MYT1L: variants seen among roughly 807,000 people sequenced by gnomAD.
MYT1L encodes the protein myelin transcription factor 1 like, also known as myelin transcription factor 1-like protein.
Under a neutral mutation model 126.7 loss-of-function variants are expected in MYT1L, and 12 were observed. That is an observed-to-expected ratio of 0.09 (90% CI 0.06 to 0.15). The LOEUF (loss-of-function observed/expected upper bound fraction) is 0.15, where lower values mean the gene tolerates loss of function less well. Ranked by LOEUF, MYT1L falls within the 10% of genes least tolerant of loss-of-function variation. The pLI is 1.00. For synonymous variants in MYT1L, 541 were observed against 604.2 expected (o/e 0.90, Z 1.53); for missense variants, 979 against 1,585.2 (o/e 0.62, Z 6.49).
At chr2:2,145,939 C>T (rs1174783254) in intron 3 of MYT1L, among the ~76,000 whole-genome samples, 1 of 152,160 alleles carries the variant, frequency 6.6e-6, no homozygotes, top group Non-Finnish European at 1.5e-5. Context: ...ATCCTTTCTG[C>T]TTAGAATGTG....
intron 2 of MYT1L, among the ~76,000 whole-genome samples, chr2:2,213,439 C>G (rs1312202577): frequency 6.6e-6 from 1 of 152,048 alleles, no homozygotes; most frequent in Non-Finnish European, 1.5e-5. Flanking sequence ...CAACAGTATC[C>G]AACATAATAT....
intron 4 of MYT1L, among the ~76,000 whole-genome samples, chr2:2,008,059 G>C (rs115894339): frequency 0.015 from 2,316 of 152,164 alleles, 53 homozygotes; most frequent in African/African-American, 0.049. Context: ...CAGGTTTTTT[G>C]CATGTCTGAC....
chr2:2,033,349 C>T (rs1233335488), intron 4 of MYT1L, among the ~76,000 whole-genome samples: 1 of 147,746 alleles, frequency 6.8e-6, no homozygotes, highest in Admixed American at 6.7e-5. Flanking sequence ...ATCCTGTGGC[C>T]CAGAGCAGAT....
chr2:2,294,775 C>A (rs2095647281), intron 1 of MYT1L, among the ~76,000 whole-genome samples: 1 of 152,142 alleles, frequency 6.6e-6, no homozygotes, highest in Non-Finnish European at 1.5e-5. Context: ...TAGAAGAAAT[C>A]AATTATTAAG....
At chr2:2,111,387 A>G (rs1463089211) in intron 3 of MYT1L, among the ~76,000 whole-genome samples, 3 of 152,210 alleles carry the variant, frequency 2.0e-5, no homozygotes, top group Admixed American at 6.5e-5. Context: ...CTGCTCCTCC[A>G]GAGATGGACG....
intron 2 of MYT1L, among the ~76,000 whole-genome samples, chr2:2,174,511 AT>A (rs2090476989): frequency 6.6e-6 from 1 of 152,194 alleles, no homozygotes; most frequent in Admixed American, 6.5e-5. Context: ...AATGCTCACA[AT>A]TCAGACCCAC....
chr2:2,225,478 T>A (rs1372016622), intron 2 of MYT1L, among the ~76,000 whole-genome samples: 2 of 152,202 alleles, frequency 1.3e-5, no homozygotes, highest in Non-Finnish European at 2.9e-5. Context: ...GTGACCCCAG[T>A]CTGGGACATG....
intron 3 of MYT1L, among the ~76,000 whole-genome samples, chr2:2,165,319 C>G (rs2088868963): frequency 1.3e-5 from 2 of 149,192 alleles, no homozygotes; most frequent in South Asian, 2.1e-4. Flanking sequence ...TGCACACATA[C>G]ACACATACAC....
chr2:2,286,363 T>C (rs2095521062), intron 1 of MYT1L, among the ~76,000 whole-genome samples: 1 of 152,184 alleles, frequency 6.6e-6, no homozygotes, highest in Non-Finnish European at 1.5e-5. Context: ...CTTTTGCAGA[T>C]AGAATTGATG....
intron 2 of MYT1L, among the ~76,000 whole-genome samples, chr2:2,246,240 T>C (rs899943677): frequency 6.6e-6 from 1 of 152,194 alleles, no homozygotes; most frequent in Non-Finnish European, 1.5e-5. Context: ...TGAAATACAC[T>C]AGCAGCCCCC....
intron 3 of MYT1L, among the ~76,000 whole-genome samples, chr2:2,172,099 C>T (rs1183811333): frequency 6.6e-6 from 1 of 152,154 alleles, no homozygotes; most frequent in African/African-American, 2.4e-5. Flanking sequence ...TCGTTCAGAA[C>T]CAACGACTTT....
At chr2:2,027,414 G>C (rs1214852897) in intron 4 of MYT1L, among the ~76,000 whole-genome samples, 1 of 152,230 alleles carries the variant, frequency 6.6e-6, no homozygotes, top group African/African-American at 2.4e-5. Flanking sequence ...CTGAAAGGGA[G>C]ATTCGGTTGG....
rs538212208 is a variant in MYT1L at position 2,142,980 on chromosome 2, C to T, written c.-304+29892G>A. 2.0e-5 allele frequency among the ~76,000 whole-genome samples: 3 copies of T among 151,070 alleles called. No homozygotes were observed. The East Asian group carries it at 6.2e-4, about 31-fold the overall frequency. ...AGGCTTACAGGTGTGAGCCACCATG[C>T]CCGGCCATAACTTTTTTAAAAAGTT... On this transcript the variant is annotated intron_variant, in intron 3 of 24. Coordinates refer to ENST00000647738, the MANE Select transcript of MYT1L (RefSeq NM_001303052.2).
intron 3 of MYT1L, among the ~76,000 whole-genome samples, chr2:2,077,465 T>C (rs973730750): frequency 2.6e-5 from 4 of 152,164 alleles, no homozygotes; most frequent in Admixed American, 6.5e-5. Flanking sequence ...AGGCAGAGAA[T>C]AGATTTGAAA....
At chr2:2,107,332 T>G (rs1031171064) in intron 3 of MYT1L, among the ~76,000 whole-genome samples, 4 of 152,240 alleles carry the variant, frequency 2.6e-5, no homozygotes, top group African/African-American at 9.6e-5. Context: ...CCTTTGTGAA[T>G]AAGTTTTATT....
At chr2:2,026,461 C>T (rs1170343349) in intron 4 of MYT1L, among the ~76,000 whole-genome samples, 1 of 152,180 alleles carries the variant, frequency 6.6e-6, no homozygotes, top group African/African-American at 2.4e-5. Context: ...GAGGGAGGCC[C>T]AACTGTTCCG....
intron 3 of MYT1L, among the ~76,000 whole-genome samples, chr2:2,065,743 C>T (rs1238872666): frequency 1.3e-5 from 2 of 152,014 alleles, no homozygotes; most frequent in Non-Finnish European, 2.9e-5. Context: ...GAGCAGATGA[C>T]ACTTTTTAAT....
chr2:1,917,361 A>G lies in MYT1L; in HGVS notation c.1484-22T>C, dbSNP rs1306784279. Reference sequence around the variant, plus strand: ...GGATCTAAAAGCGACAACAGGTGCCAAGAGAATAAATGTTTACCAATCAAA... The same window carrying G: ...GGATCTAAAAGCGACAACAGGTGCCGAGAGAATAAATGTTTACCAATCAAA... On this transcript the variant is annotated intron_variant, in intron 10 of 24. Transcript: ENST00000647738. The surrounding 1 kb of genome is among the most constrained non-coding windows in gnomAD (Gnocchi z 5.9). 5.0e-6 allele frequency: 8 copies of G among 1,588,696 alleles called. No homozygotes were observed. The Admixed American group carries it at 1.2e-4, about 24-fold the overall frequency.
chr2:2,082,574 A>G (rs1023891228), intron 3 of MYT1L, among the ~76,000 whole-genome samples: 1 of 152,186 alleles, frequency 6.6e-6, no homozygotes, highest in African/African-American at 2.4e-5. Flanking sequence ...TGTAACATTT[A>G]TAATAATAGA....
Sources: allele counts gnomAD v4.1 joint callset (sites outside exome capture counted in the v4.1 genomes callset), GRCh38; gene constraint gnomAD v4.1.1; non-coding constraint Gnocchi (gnomAD v3.1); transcripts MANE v1.5; gene names NCBI Gene and HGNC (gene_info 2026-07-23, HGNC 2026-07-21).